Variants in ARFGEF3 observed in about 807,000 individuals in gnomAD.
The protein encoded by ARFGEF3 is ARFGEF family member 3.
In ARFGEF3, 96 loss-of-function variants were observed where a neutral mutation model predicts 221.7. The ratio of observed to expected loss-of-function variants is 0.43; its 90% confidence interval spans 0.37 to 0.51. The LOEUF is 0.51. Among genes scored for constraint, ARFGEF3 ranks in the 20% least tolerant of loss-of-function variants. ARFGEF3 has a pLI of 0.00. For synonymous variants in ARFGEF3, 1,145 were observed against 1,126.8 expected, an observed-to-expected ratio of 1.02 and a Z score of -0.32; for missense variants, 2,410 against 2,789.9, an observed-to-expected ratio of 0.86 and a Z score of 3.07.
chr6:138,282,713 T>C (rs988965559), intron 14 of ARFGEF3, among the ~76,000 whole-genome samples: 2 of 152,180 alleles, frequency 1.3e-5, no homozygotes, highest in African/African-American at 4.8e-5. Flanking sequence ...GGTGATCAAT[T>C]TGTATTTTGT....
intron 12 of ARFGEF3, among the ~76,000 whole-genome samples, chr6:138,269,471 T>C (rs1198865816): frequency 2.0e-5 from 3 of 152,202 alleles, no homozygotes; most frequent in African/African-American, 7.2e-5. Context: ...GAGTATGTTA[T>C]GCTGCCTCTG....
Position 138,334,147 on chromosome 6 carries a change from G to A in ARFGEF3, c.5301G>A (p.Leu1767=). 6.2e-7 allele frequency: 1 copy of A among 1,613,924 alleles called. No homozygotes were observed. The highest frequency in any genetic ancestry group is 8.5e-7 in the Non-Finnish European group (1 of 1,179,872). Residue 1767 remains leucine, a synonymous_variant, in exon 33 of 34, where the codon TTG becomes TTA. Coordinates refer to ENST00000251691, the MANE Select transcript of ARFGEF3 (RefSeq NM_020340.5). This position sits in a 1 kb window ranked among gnomAD's most constrained non-coding sequence, Gnocchi z 5.1. ...TCAGATACATCTCTATGCAGAACTT[G>A]GCAGTCATATTCGACCTGCTGCTGG... The part of the protein sequence containing the change: ...GFLRYISMQN[L]AVIFDLLLDS...
rs1780347406 is a variant in ARFGEF3, at chr6:138,337,384, A to ATTGTC, written c.*900_*904dup. ...TGCACTTCCATTTCCATGCCCCACA[A>ATTGTC]TTGTCTGAACATAAGGTATAGCATT... is the stretch of plus-strand genomic sequence containing the variant. On this transcript the variant is annotated 3_prime_UTR_variant, in exon 34 of 34. Coordinates refer to ENST00000251691, the MANE Select transcript of ARFGEF3 (RefSeq NM_020340.5). 1 of 152,674 alleles carries ATTGTC rather than the reference A, an allele frequency of 6.5e-6. No individual in the cohort carries two copies. The highest frequency in any genetic ancestry group is 2.4e-5 in the African/African-American group (1 of 41,464). 9.5% of individuals were successfully genotyped at this position (152,674 alleles called of 1,614,324 possible).
chr6:138,202,893 T>C (rs146977626), intron 2 of ARFGEF3, among the ~76,000 whole-genome samples: 515 of 151,254 alleles, frequency 3.4e-3, no homozygotes, highest in Admixed American at 9.8e-3. Context: ...CACACACACA[T>C]GCACACACAC....
At chr6:138,244,727 C>T (rs971160189) in intron 7 of ARFGEF3, among the ~76,000 whole-genome samples, 3 of 152,146 alleles carry the variant, frequency 2.0e-5, no homozygotes, top group Non-Finnish European at 4.4e-5. Flanking sequence ...TATTTCACCC[C>T]ATTTTTCTCT....
chr6:138,176,500 T>C (rs1207807192), intron 2 of ARFGEF3, among the ~76,000 whole-genome samples: 1 of 152,216 alleles, frequency 6.6e-6, no homozygotes, highest in African/African-American at 2.4e-5. Flanking sequence ...CTTTTTTAAA[T>C]CCTTTATGAC....
rs776297410 is a variant in ARFGEF3 at position 138,207,087 on chromosome 6, T to C, written c.183T>C (p.Asn61=). The change falls in exon 3 of 34, where the codon AAT becomes AAC. Residue 61 remains asparagine, a synonymous_variant. Coordinates refer to ENST00000251691, the MANE Select transcript of ARFGEF3 (RefSeq NM_020340.5). The part of the protein sequence containing the change: ...LPLQLALESK[N]VKLAQHALAG... Reference sequence around the variant, plus strand: ...TCCAGTTGGCTTTGGAATCCAAGAATGTGAAGCTGGCCCAACATGCTTTGG... The same window carrying C: ...TCCAGTTGGCTTTGGAATCCAAGAACGTGAAGCTGGCCCAACATGCTTTGG... The C allele has an allele frequency of 7.4e-6, 12 of 1,611,682 alleles. No homozygotes were observed. Among genetic ancestry groups the C allele is most frequent in the Non-Finnish European group, 8.5e-6 (10 of 1,179,092 alleles).
chr6:138,206,595 G>C (rs1426356580), intron 2 of ARFGEF3, among the ~76,000 whole-genome samples: 1 of 152,208 alleles, frequency 6.6e-6, no homozygotes, highest in African/African-American at 2.4e-5. Context: ...TGATGAGACA[G>C]AGTGCTGATG....
intron 32 of ARFGEF3, among the ~76,000 whole-genome samples, chr6:138,328,422 G>C (rs901770018): frequency 6.6e-6 from 1 of 152,166 alleles, no homozygotes; most frequent in East Asian, 1.9e-4. Context: ...AGTCAGATAT[G>C]AAGGTTTCCT....
chr6:138,233,872 C>T (rs1419388485), intron 5 of ARFGEF3, among the ~76,000 whole-genome samples: 1 of 152,122 alleles, frequency 6.6e-6, no homozygotes, highest in East Asian at 1.9e-4. Flanking sequence ...CACCTCCTGG[C>T]AAGAAAACTA....
intron 24 of ARFGEF3, among the ~76,000 whole-genome samples, chr6:138,309,334 A>G (rs1376149070): frequency 1.3e-5 from 2 of 152,180 alleles, no homozygotes; most frequent in Non-Finnish European, 2.9e-5. Context: ...TAGTGAGAAT[A>G]TATTTTGTTA....
rs145820825 is a variant in ARFGEF3 at position 138,326,499 on chromosome 6, C to T, written c.5002-1522C>T. On this transcript the variant is annotated intron_variant, in intron 31 of 33. Coordinates refer to ENST00000251691, the MANE Select transcript of ARFGEF3 (RefSeq NM_020340.5). ...CACTTCTCAAAAGAAGACATACATG[C>T]GGCCAACATATGAAAAAAGCTCAAC... 9.2e-5 allele frequency among the ~76,000 whole-genome samples: 14 copies of T among 152,166 alleles called. No individual in the cohort carries two copies. The East Asian group carries it at 1.4e-3, about 15-fold the overall frequency.
At position 138,220,023 on chromosome 6, in the gene ARFGEF3, T is replaced by G. The variant is rs368858269; in HGVS notation, c.352-9761T>G. On this transcript the variant is annotated intron_variant, in intron 4 of 33. Coordinates refer to ENST00000251691, the MANE Select transcript of ARFGEF3 (RefSeq NM_020340.5). ...CTTCTCTTTTCTTTTCCTTTTCCTT[T>G]CTTTTTTTCTGCAGGGTTTCACTGT... Among the ~76,000 whole-genome samples the G allele has an allele frequency of 3.3e-5, 5 of 152,320 alleles. No homozygotes were observed. The East Asian group carries it at 7.7e-4, about 23-fold the overall frequency.
At chr6:138,209,030 A>C (rs190164164) in intron 3 of ARFGEF3, among the ~76,000 whole-genome samples, 27 of 152,190 alleles carry the variant, frequency 1.8e-4, no homozygotes, top group Admixed American at 1.4e-3. Context: ...AATGAGAAAG[A>C]GATAGAAAAA....
rs1245269029 is a variant in ARFGEF3, at chr6:138,334,943, A to G, written c.6097A>G (p.Lys2033Glu). 9.4e-6 allele frequency: 15 copies of G among 1,588,924 alleles called. No individual in the cohort carries two copies. Among genetic ancestry groups the G allele is most frequent in the Non-Finnish European group, 1.3e-5 (15 of 1,168,232 alleles). ...SKLMTEYKKR[K>E]QQHNLSAFPK... ...GTTGATGACCGAATACAAAAAGAGG[A>G]AACAGCAGCACAACCTGTCCGCGTT... Residue 2033 changes from lysine to glutamate, a missense_variant, in exon 33 of 34, where the codon AAA becomes GAA. Physicochemically the swap from Lys to Glu is moderately conservative, Grantham distance 56 (BLOSUM62 1). Coordinates refer to ENST00000251691, the MANE Select transcript of ARFGEF3 (RefSeq NM_020340.5). The surrounding 1 kb of genome is among the most constrained non-coding windows in gnomAD (Gnocchi z 5.1).
intron 32 of ARFGEF3, among the ~76,000 whole-genome samples, chr6:138,329,116 A>C (rs1780175407): frequency 6.6e-6 from 1 of 152,242 alleles, no homozygotes; most frequent in African/African-American, 2.4e-5. Context: ...CTCTGCCCCA[A>C]GAAACTTGCC....
rs574567037 is a variant in ARFGEF3, at chr6:138,183,757, CCTCGAG to C, written c.137+13047_137+13052del. Among the ~76,000 whole-genome samples the C allele has an allele frequency of 2.1e-4, 32 of 152,260 alleles. No individual in the cohort carries two copies. The East Asian group carries it at 5.0e-3, about 24-fold the overall frequency. ...GTTCTCCTACATATGCCTTTTGGGACCTCGAGCTGGTCATTTTGCCTGTCAGTTTCC... is the reference window on the plus strand; with the variant it reads ...GTTCTCCTACATATGCCTTTTGGGACCTGGTCATTTTGCCTGTCAGTTTCC... On this transcript the variant is annotated intron_variant, in intron 2 of 33. Coordinates refer to ENST00000251691, the MANE Select transcript of ARFGEF3 (RefSeq NM_020340.5).
chr6:138,304,077 C>G (rs1232351066), intron 22 of ARFGEF3, among the ~76,000 whole-genome samples: 7 of 151,804 alleles, frequency 4.6e-5, no homozygotes, highest in Non-Finnish European at 1.0e-4. Context: ...TCATAATAGC[C>G]AGAAAGTTAG....
chr6:138,281,808 T>C (rs564716524), intron 14 of ARFGEF3, among the ~76,000 whole-genome samples: 6 of 152,352 alleles, frequency 3.9e-5, no homozygotes, highest in East Asian at 1.9e-4. Flanking sequence ...TCATGGCTTA[T>C]TGTGGCTCGG....
Sources: allele counts gnomAD v4.1 joint callset (sites outside exome capture counted in the v4.1 genomes callset), GRCh38; gene constraint gnomAD v4.1.1; non-coding constraint Gnocchi (gnomAD v3.1); transcripts MANE v1.5; gene names NCBI Gene and HGNC (gene_info 2026-07-23, HGNC 2026-07-21).